CHAC2: variants seen among roughly 807,000 people sequenced by gnomAD.
CHAC2 encodes the protein ChaC glutathione specific gamma-glutamylcyclotransferase 2.
In CHAC2, 20 loss-of-function variants were observed where a neutral mutation model predicts 16.9. The observed-to-expected ratio is 1.18, with a 90% CI of 0.83 to 1.72. The LOEUF (loss-of-function observed/expected upper bound fraction) is 1.72. Among genes scored for constraint, CHAC2 ranks in the 40% most tolerant of loss-of-function variants. CHAC2 has a pLI of 0.00. For missense variants in CHAC2, 269 were observed against 222.2 expected (o/e 1.21, Z -1.34); for synonymous variants, 91 against 77.3 (o/e 1.18, Z -0.93).
intron 2 of CHAC2, among the ~76,000 whole-genome samples, chr2:53,773,664 C>T (rs1347118546): frequency 6.6e-6 from 1 of 151,770 alleles, no homozygotes; most frequent in African/African-American, 2.4e-5. Flanking sequence ...CTCCTGACCT[C>T]GTGATCCACT....
intron 1 of CHAC2, 177 bp downstream of exon 1, chr2:53,768,198 GC>G (rs1266335629): frequency 1.4e-6 from 1 of 705,550 alleles, no homozygotes; most frequent in Non-Finnish European, 2.2e-6. Context: ...CTCTAACCCA[GC>G]CCGGGCACTC....
At chr2:53,770,525 C>T (rs1022254128) in intron 1 of CHAC2, among the ~76,000 whole-genome samples, 4 of 134,292 alleles carry the variant, frequency 3.0e-5, no homozygotes, top group Non-Finnish European at 4.7e-5. Context: ...AAAAAAAAAG[C>T]TTGCAGGCAC....
At chr2:53,772,335 T>C (rs147983781) in intron 2 of CHAC2, among the ~76,000 whole-genome samples, 4,309 of 152,172 alleles carry the variant, frequency 0.028, 61 homozygotes, top group Non-Finnish European at 0.039. Context: ...CCACCATGTC[T>C]GGCTAATTTT....
At chr2:53,769,850 AAG>A (rs1417339241) in intron 1 of CHAC2, among the ~76,000 whole-genome samples, 1 of 152,240 alleles carries the variant, frequency 6.6e-6, no homozygotes, top group East Asian at 1.9e-4. Flanking sequence ...CTCAAAAAAA[AAG>A]AGCTAAAAAA....
At chr2:53,770,599 T>C (rs1170914796) in intron 1 of CHAC2, among the ~76,000 whole-genome samples, 1 of 152,024 alleles carries the variant, frequency 6.6e-6, no homozygotes, top group Non-Finnish European at 1.5e-5. Context: ...TCTCTAAGGC[T>C]TTCCATTTAT....
At chr2:53,773,803 G>C (rs1443974971) in intron 2 of CHAC2, among the ~76,000 whole-genome samples, 1 of 152,002 alleles carries the variant, frequency 6.6e-6, no homozygotes, top group East Asian at 2.0e-4. Flanking sequence ...GGGAGGCCGA[G>C]GCAGGTGGAT....
intron 1 of CHAC2, chr2:53,768,257 A>G (rs1673636430): frequency 2.1e-6 from 1 of 480,206 alleles, no homozygotes; most frequent in African/African-American, 1.9e-5. Flanking sequence ...AGAGACGGCG[A>G]GAAGCGCGGG....
rs940445785 is a variant in CHAC2 at position 53,775,064 on chromosome 2, G to T, written c.*539G>T. 6.6e-6 allele frequency: 1 copy of T among 152,448 alleles called. No homozygotes were observed. Among genetic ancestry groups the T allele is most frequent in the African/African-American group, 2.4e-5 (1 of 41,388 alleles). 9.4% of individuals were successfully genotyped at this position (152,448 alleles called of 1,614,324 possible). On this transcript the variant is annotated 3_prime_UTR_variant, in exon 3 of 3. Coordinates refer to ENST00000295304, the MANE Select transcript of CHAC2 (RefSeq NM_001008708.4). ...CTTTTGAGTTTTTAGCCAAAAATTG[G>T]CATTTTTAAAATACGAAAATTTCCT... is the stretch of plus-strand genomic sequence containing the variant.
At position 53,767,857 on chromosome 2, in the gene CHAC2, C is replaced by T; in HGVS notation, c.-30C>T. ...GCGGCGCGGCGACAGCTAGGGTTCACGGCCACTGGGGCAGAGGAGCCGCGA... is the reference window on the plus strand; with the variant it reads ...GCGGCGCGGCGACAGCTAGGGTTCATGGCCACTGGGGCAGAGGAGCCGCGA... On this transcript the variant is annotated 5_prime_UTR_variant, in exon 1 of 3. The change creates a new upstream start codon in the 5' untranslated region. Transcript: ENST00000295304. 6 of 1,586,174 alleles carry T rather than the reference C, an allele frequency of 3.8e-6. No homozygotes were observed. The highest frequency in any genetic ancestry group is 5.1e-6 in the Non-Finnish European group (6 of 1,165,894).
At position 53,774,510 on chromosome 2, in the gene CHAC2, C is replaced by A; in HGVS notation, c.540C>A (p.Asn180Lys). The A allele has an allele frequency of 6.5e-7, 1 of 1,544,720 alleles. No homozygotes were observed. Among genetic ancestry groups the A allele is most frequent in the Non-Finnish European group, 8.7e-7 (1 of 1,151,230 alleles). The change falls in exon 3 of 3, where the codon AAC becomes AAA. Residue 180 changes from asparagine to lysine, a missense_variant. Coordinates refer to ENST00000295304, the MANE Select transcript of CHAC2 (RefSeq NM_001008708.4). ...LVKERLEGKQ[N>K]LNCI ...AGGAACGTTTAGAAGGGAAACAGAA[C>A]CTCAATTGCATATAATTTAGTCTTC...
chr2:53,773,391 C>G (rs1031458718), intron 2 of CHAC2, among the ~76,000 whole-genome samples: 1 of 151,044 alleles, frequency 6.6e-6, no homozygotes, highest in African/African-American at 2.5e-5. Context: ...TTAGTATGTT[C>G]TTCTGTGCAC....
intron 1 of CHAC2, 167 bp downstream of exon 1, chr2:53,768,188 C>G (rs1673628701): frequency 2.6e-6 from 2 of 782,068 alleles, no homozygotes; most frequent in Admixed American, 5.8e-5. Context: ...TGCCCGCCAT[C>G]TCTAACCCAG....
intron 1 of CHAC2, 170 bp downstream of exon 1, chr2:53,768,191 T>G: frequency 5.3e-6 from 4 of 760,624 alleles, no homozygotes; most frequent in African/African-American, 1.8e-5. Flanking sequence ...CCGCCATCTC[T>G]AACCCAGCCC....
chr2:53,769,909 A>T (rs1673776553), intron 1 of CHAC2, among the ~76,000 whole-genome samples: 1 of 152,238 alleles, frequency 6.6e-6, no homozygotes, highest in African/African-American at 2.4e-5. Context: ...ACTGCACTTA[A>T]TACCATACAT....
chr2:53,773,009 A>G (rs896711951), intron 2 of CHAC2, among the ~76,000 whole-genome samples: 1 of 152,202 alleles, frequency 6.6e-6, no homozygotes, highest in African/African-American at 2.4e-5. Context: ...AGAATTTTAT[A>G]TTGTGAAATT....
chr2:53,771,491 C>T (rs894667798), intron 1 of CHAC2, among the ~76,000 whole-genome samples: 1 of 152,036 alleles, frequency 6.6e-6, no homozygotes, highest in Non-Finnish European at 1.5e-5. Flanking sequence ...CCAGCCTGGG[C>T]TTGTTGAGCA....
Position 53,774,823 on chromosome 2 carries a change from C to T in CHAC2, c.*298C>T. On this transcript the variant is annotated 3_prime_UTR_variant, in exon 3 of 3. Transcript: ENST00000295304. ...TTGTTTTTATCAGAGTGATAATCAT[C>T]CTGTTTCACATCCCAATACTATTTT... is the stretch of plus-strand genomic sequence containing the variant. 1 of 230,806 alleles carries T rather than the reference C, an allele frequency of 4.3e-6. No individual in the cohort carries two copies. Among genetic ancestry groups the T allele is most frequent in the Non-Finnish European group, 8.3e-6 (1 of 119,872 alleles). The allele number at this position is 230,806 out of a possible 1,614,324, so 14.3% of individuals were successfully genotyped here. A position where few individuals can be genotyped will look rare whatever the true frequency, so the allele number is the denominator to read the frequency against.
At chr2:53,769,369 C>T (rs1043433872) in intron 1 of CHAC2, among the ~76,000 whole-genome samples, 4 of 152,160 alleles carry the variant, frequency 2.6e-5, no homozygotes, top group African/African-American at 9.7e-5. Context: ...AAACCTTTAG[C>T]CCAGGCTCCA....
chr2:53,771,755 A>T, intron 1 of CHAC2, 152 bp from the exon 2 acceptor site: 1 of 660,154 alleles, frequency 1.5e-6, no homozygotes. Flanking sequence ...AATTCACTTA[A>T]GCTTTATCAT....
Sources: allele counts gnomAD v4.1 joint callset (sites outside exome capture counted in the v4.1 genomes callset), GRCh38; gene constraint gnomAD v4.1.1; transcripts MANE v1.5; gene names NCBI Gene and HGNC (gene_info 2026-07-23, HGNC 2026-07-21).